Variants in XPO6 observed in about 807,000 individuals in gnomAD.
The protein encoded by XPO6 is exportin 6, also known as exportin-6.
Under a neutral mutation model 130.0 loss-of-function variants are expected in XPO6, and 3 were observed. That is an observed-to-expected ratio of 0.02 (90% CI 0.01 to 0.06). The LOEUF (loss-of-function observed/expected upper bound fraction) is 0.06. Among genes scored for constraint, XPO6 ranks in the 10% least tolerant of loss-of-function variants. XPO6 has a pLI of 1.00. For missense variants in XPO6, 970 were observed against 1,393.0 expected, an observed-to-expected ratio of 0.70 and a Z score of 4.83; for synonymous variants, 524 against 548.9, an observed-to-expected ratio of 0.95 and a Z score of 0.63.
Position 28,160,503 on chromosome 16 carries a change from C to CAAAAA in XPO6, c.644-3977_644-3976insTTTTT, listed in dbSNP as rs1158204334. Among the ~76,000 whole-genome samples the CAAAAA allele has an allele frequency of 8.6e-5, 10 of 116,670 alleles. 1 individual carries two copies. Among genetic ancestry groups the CAAAAA allele is most frequent in the East Asian group, 2.5e-4 (1 of 3,966 alleles). The allele number at this position is 116,670 out of a possible 152,430, so 76.5% of individuals were successfully genotyped here. A position where few individuals can be genotyped will look rare whatever the true frequency, so the allele number is the denominator to read the frequency against. On this transcript the variant is annotated intron_variant, in intron 6 of 23. Transcript: ENST00000304658. ...TGGATAACAAAGTGAGACTCCATCA[C>CAAAAA]CAAAAAAAAAAAAAAAATCAAGTAA... is the stretch of plus-strand genomic sequence containing the variant.
chr16:28,134,037 G>T, intron 10 of XPO6, 104 bp from the exon 11 acceptor site: 1 of 1,140,694 alleles, frequency 8.8e-7, no homozygotes, highest in South Asian at 1.3e-5. Context: ...AATGGAAAAT[G>T]ATGGAACCAG....
chr16:28,186,892 T>C (rs1246980675), intron 1 of XPO6, among the ~76,000 whole-genome samples: 2 of 152,156 alleles, frequency 1.3e-5, no homozygotes, highest in African/African-American at 4.8e-5. Context: ...CAGCTATTTG[T>C]TGGAGAAATG....
chr16:28,144,772 C>A (rs188019469), intron 9 of XPO6, among the ~76,000 whole-genome samples: 102 of 152,270 alleles, frequency 6.7e-4, no homozygotes, highest in Non-Finnish European at 1.3e-3. Flanking sequence ...TATGTTAGTT[C>A]GTTATTTCAA....
intron 15 of XPO6, 34 bp downstream of exon 15, chr16:28,117,278 GAGAGTT>G (rs1358408778): frequency 6.2e-7 from 1 of 1,609,736 alleles, no homozygotes; most frequent in African/African-American, 1.3e-5. Context: ...AGGAGAGACA[GAGAGTT>G]AGATAAAAGG....
chr16:28,153,970 C>T (rs1159341026), intron 7 of XPO6: 1 of 985,154 alleles, frequency 1.0e-6, no homozygotes, highest in African/African-American at 1.7e-5. Flanking sequence ...TTATTTGCAG[C>T]TTTTTAAAAA....
intron 1 of XPO6, among the ~76,000 whole-genome samples, chr16:28,201,202 T>C (rs1042209519): frequency 2.6e-5 from 4 of 152,168 alleles, no homozygotes; most frequent in Admixed American, 6.5e-5. Context: ...AATACAGTTA[T>C]CTGAGCTTGC....
chr16:28,133,910 G>A lies in XPO6; in HGVS notation c.1467C>T (p.Tyr489=). The A allele has an allele frequency of 6.2e-7, 1 of 1,614,040 alleles. No individual in the cohort carries two copies. Among genetic ancestry groups the A allele is most frequent in the Non-Finnish European group, 8.5e-7 (1 of 1,179,998 alleles). ...CCACCACCTCCAAGCTCTGCCGTAA[G>A]TACCGCTGCCACTCCGTCTGCTGCT... The part of the protein sequence containing the change: ...DDDQQTEWQR[Y]LRQSLEVVAK... Residue 489 remains tyrosine, a synonymous_variant, in exon 11 of 24, where the codon TAC becomes TAT. Transcript: ENST00000304658.
intron 1 of XPO6, among the ~76,000 whole-genome samples, chr16:28,210,917 G>A (rs2044118768): frequency 6.6e-6 from 1 of 152,218 alleles, no homozygotes; most frequent in Admixed American, 6.5e-5. Flanking sequence ...CAGATGCCTA[G>A]GTTCAAATCT....
chr16:28,135,303 G>A lies in XPO6; in HGVS notation c.1356C>T (p.Leu452=), dbSNP rs145018962. ...VLNRYEDALV[L]LLTEVLNRIQ... The stretch of plus-strand genomic sequence containing the variant: ...TTCGATTCAACACCTCTGTGAGCAG[G>A]AGCACCAGGGCATCTTCGTACCTAT... Residue 452 remains leucine, a synonymous_variant, in exon 10 of 24, where the codon CTC becomes CTT. Transcript: ENST00000304658. The A allele has an allele frequency of 1.1e-3, 1,841 of 1,613,722 alleles. 3 individuals are homozygous for A. The highest frequency in any genetic ancestry group is 1.4e-3 in the Non-Finnish European group (1,696 of 1,179,812).
chr16:28,117,566 G>T, intron 14 of XPO6, 104 bp from the exon 15 acceptor site: 1 of 1,362,012 alleles, frequency 7.3e-7, no homozygotes, highest in Non-Finnish European at 1.0e-6. Context: ...TGCATTTGCT[G>T]TTCTAAGACA....
At chr16:28,117,079 T>C in intron 15 of XPO6, 1 of 468,334 alleles carries the variant, frequency 2.1e-6, no homozygotes, top group Non-Finnish European at 3.8e-6. Flanking sequence ...GAATGATATT[T>C]TACTTTTTCA....
intron 21 of XPO6, among the ~76,000 whole-genome samples, chr16:28,102,223 G>A (rs1187977170): frequency 6.6e-6 from 1 of 152,092 alleles, no homozygotes; most frequent in Non-Finnish European, 1.5e-5. Flanking sequence ...CACACCTCTA[G>A]TCAAATCCCT....
At chr16:28,140,897 C>T (rs2042879071) in intron 9 of XPO6, among the ~76,000 whole-genome samples, 1 of 152,042 alleles carries the variant, frequency 6.6e-6, no homozygotes, top group Non-Finnish European at 1.5e-5. Context: ...ATGAAAAACA[C>T]ACAGGTGATA....
chr16:28,159,231 T>TA (rs763927928), intron 6 of XPO6, among the ~76,000 whole-genome samples: 8 of 151,036 alleles, frequency 5.3e-5, no homozygotes, highest in Admixed American at 1.3e-4. Context: ...ACTCTGTCTT[T>TA]AAAAAAAGAA....
At chr16:28,166,840 C>G in intron 5 of XPO6, 1 of 984,766 alleles carries the variant, frequency 1.0e-6, no homozygotes, top group Non-Finnish European at 1.2e-6. Context: ...GCCAGAGTCA[C>G]CTGGTTGCTG....
intron 1 of XPO6, among the ~76,000 whole-genome samples, chr16:28,190,237 T>C (rs2043764835): frequency 6.6e-6 from 1 of 151,844 alleles, no homozygotes; most frequent in Non-Finnish European, 1.5e-5. Flanking sequence ...TTTTTTTTTT[T>C]TGAGACTGAG....
At position 28,143,318 on chromosome 16, in the gene XPO6, T is replaced by C. The variant is rs115917938; in HGVS notation, c.1334+2776A>G. 2.1e-3 allele frequency among the ~76,000 whole-genome samples: 318 copies of C among 152,336 alleles called. 2 individuals are homozygous for C. Among genetic ancestry groups the C allele is most frequent in the African/African-American group, 6.7e-3 (277 of 41,582 alleles). On this transcript the variant is annotated intron_variant, in intron 9 of 23. Coordinates refer to ENST00000304658, the MANE Select transcript of XPO6 (RefSeq NM_015171.4). The stretch of plus-strand genomic sequence containing the variant: ...CAGTAACATCTTCTATTATTCATCA[T>C]TGCTGTTGTCATCACTGTGACCATT...
rs10638478 is a variant in XPO6, at chr16:28,170,332, C to CAAA, written c.406-426_406-424dup. On this transcript the variant is annotated intron_variant, in intron 4 of 23. Transcript: ENST00000304658. The stretch of plus-strand genomic sequence containing the variant: ...GGGCACCGAGAGCAAAACTCTGTCT[C>CAAA]AAAAAAAAAAAAAAAAAAGAAACAT... Among the ~76,000 whole-genome samples the CAAA allele has an allele frequency of 8.1e-4, 66 of 81,338 alleles. 2 individuals are homozygous for CAAA. The highest frequency in any genetic ancestry group is 4.7e-3 in the East Asian group (14 of 3,008). 53.4% of individuals were successfully genotyped at this position (81,338 alleles called of 152,430 possible). A position where few individuals can be genotyped will look rare whatever the true frequency, so the allele number is the denominator to read the frequency against.
Position 28,106,568 on chromosome 16 carries a change from C to G in XPO6, c.2498-71G>C, listed in dbSNP as rs2074082. 8.0e-7 allele frequency: 1 copy of G among 1,253,172 alleles called. No individual in the cohort carries two copies. The highest frequency in any genetic ancestry group is 1.2e-6 in the Non-Finnish European group (1 of 861,280). The allele number at this position is 1,253,172 out of a possible 1,614,324, so 77.6% of individuals were successfully genotyped here. On this transcript the variant is annotated intron_variant, in intron 18 of 23. Transcript: ENST00000304658. This position sits in a 1 kb window ranked among gnomAD's most constrained non-coding sequence, Gnocchi z 4.2. ...GAACCAGAACCCTGGGCTTCATCAA[C>G]CTACTCCTGAAATCTGCACTATCAG...
Sources: allele counts gnomAD v4.1 joint callset (sites outside exome capture counted in the v4.1 genomes callset), GRCh38; gene constraint gnomAD v4.1.1; non-coding constraint Gnocchi (gnomAD v3.1); transcripts MANE v1.5; gene names NCBI Gene and HGNC (gene_info 2026-07-23, HGNC 2026-07-21).